The following PTPRD variants were observed in gnomAD, a reference collection of about 807,000 sequenced individuals.
PTPRD encodes receptor-type tyrosine-protein phosphatase delta.
PTPRD carries 34 observed loss-of-function variants against 214.5 expected under a neutral mutation model. The observed-to-expected ratio is 0.16, with a 90% confidence interval of 0.12 to 0.21. The LOEUF is 0.21. Among genes scored for constraint, PTPRD ranks in the 10% least tolerant of loss-of-function variants. The probability of loss-of-function intolerance (pLI) is 1.00; values close to 1 mark genes in which losing one functional copy is unlikely to be tolerated. For missense variants in PTPRD, 2,545 were observed against 2,398.7 expected (o/e 1.06, Z -1.27); for synonymous variants, 1,128 against 845.7 (o/e 1.33, Z -5.79).
chr9:10,239,045 T>C (rs557227456), intron 3 of PTPRD, among the ~76,000 whole-genome samples: 5 of 152,072 alleles, frequency 3.3e-5, no homozygotes, highest in African/African-American at 1.2e-4. Flanking sequence ...AAAAAGAATC[T>C]GTTTGGAGTA....
At chr9:10,379,056 G>C (rs1353060372) in intron 2 of PTPRD, among the ~76,000 whole-genome samples, 1 of 151,812 alleles carries the variant, frequency 6.6e-6, no homozygotes, top group African/African-American at 2.4e-5. Flanking sequence ...TAATTCCAAA[G>C]TATTTAATTT....
Position 9,525,788 on chromosome 9 carries a change from T to C in PTPRD, c.-237+48944A>G, listed in dbSNP as rs2073987346. 2.0e-5 allele frequency among the ~76,000 whole-genome samples: 3 copies of C among 152,086 alleles called. No homozygotes were observed. In the South Asian group the frequency reaches 6.2e-4, roughly 31 times the overall value. On this transcript the variant is annotated intron_variant, in intron 8 of 45. Coordinates refer to ENST00000381196, the MANE Select transcript of PTPRD (RefSeq NM_002839.4). ...TACCTAATATTAGTAGGTATTCATA[T>C]TTCTTAAATTTTATACCTTTGTAAA...
chr9:10,412,143 T>G (rs768549811), intron 2 of PTPRD, among the ~76,000 whole-genome samples: 35 of 151,682 alleles, frequency 2.3e-4, no homozygotes, highest in African/African-American at 8.5e-4. Context: ...TGAGAAGAAT[T>G]TGAAGACTAA....
intron 7 of PTPRD, among the ~76,000 whole-genome samples, chr9:9,604,501 G>T (rs920095355): frequency 6.6e-6 from 1 of 152,002 alleles, no homozygotes; most frequent in African/African-American, 2.4e-5. Flanking sequence ...GTTAAATAAA[G>T]GTGTTCTAAC....
chr9:9,524,674 T>C (rs895714148), intron 8 of PTPRD, among the ~76,000 whole-genome samples: 1 of 152,242 alleles, frequency 6.6e-6, no homozygotes, highest in Non-Finnish European at 1.5e-5. Context: ...CCTTAACGTA[T>C]AGTCATTTTG....
At chr9:9,292,344 C>T (rs1026429963) in intron 9 of PTPRD, among the ~76,000 whole-genome samples, 2 of 151,274 alleles carry the variant, frequency 1.3e-5, no homozygotes, top group African/African-American at 4.8e-5. Context: ...TGTCACTTTC[C>T]GCATGATGTA....
chr9:9,983,165 T>C (rs567472461), intron 4 of PTPRD, among the ~76,000 whole-genome samples: 3 of 152,256 alleles, frequency 2.0e-5, no homozygotes, highest in African/African-American at 7.2e-5. Context: ...TGATTCAGAA[T>C]GGATTACACT....
At chr9:8,589,270 C>T (rs187003558) in intron 14 of PTPRD, among the ~76,000 whole-genome samples, 17 of 152,314 alleles carry the variant, frequency 1.1e-4, no homozygotes, top group Admixed American at 3.9e-4. Context: ...CCTTCTGCTT[C>T]TCAGATAAGT....
chr9:9,997,279 T>C (rs1409806135), intron 4 of PTPRD, among the ~76,000 whole-genome samples: 1 of 126,208 alleles, frequency 7.9e-6, no homozygotes. Context: ...AACTTGAAGA[T>C]AAGCAATTTT....
chr9:10,089,488 T>C (rs929023462), intron 3 of PTPRD, among the ~76,000 whole-genome samples: 4 of 151,562 alleles, frequency 2.6e-5, no homozygotes, highest in Non-Finnish European at 4.4e-5. Context: ...AATGTAATAA[T>C]GGTGAGTGGG....
At chr9:10,452,537 A>G (rs1419993905) in intron 2 of PTPRD, among the ~76,000 whole-genome samples, 1 of 151,620 alleles carries the variant, frequency 6.6e-6, no homozygotes, top group Non-Finnish European at 1.5e-5. Flanking sequence ...GGAATATCTC[A>G]TTGTACTTTT....
intron 9 of PTPRD, among the ~76,000 whole-genome samples, chr9:9,318,305 T>A (rs1026655552): frequency 6.6e-6 from 1 of 151,504 alleles, no homozygotes; most frequent in Admixed American, 6.6e-5. Flanking sequence ...TACATAAATA[T>A]GAAACCACTT....
At chr9:10,087,966 G>A (rs2098376502) in intron 3 of PTPRD, among the ~76,000 whole-genome samples, 1 of 151,678 alleles carries the variant, frequency 6.6e-6, no homozygotes. Flanking sequence ...TTTTTCCCAA[G>A]ATGAAATCAA....
chr9:9,922,009 A>G (rs2082687492), intron 5 of PTPRD, among the ~76,000 whole-genome samples: 1 of 152,122 alleles, frequency 6.6e-6, no homozygotes, highest in Non-Finnish European at 1.5e-5. Flanking sequence ...ATAATTCAAT[A>G]AATTGTGGAG....
intron 2 of PTPRD, among the ~76,000 whole-genome samples, chr9:10,509,158 C>T (rs900574581): frequency 6.6e-6 from 1 of 152,024 alleles, no homozygotes; most frequent in Non-Finnish European, 1.5e-5. Context: ...CTTTGACCTA[C>T]TTATATGAAG....
chr9:8,560,438 CAT>C (rs2085726634), intron 14 of PTPRD, among the ~76,000 whole-genome samples: 1 of 109,596 alleles, frequency 9.1e-6, no homozygotes, highest in South Asian at 2.8e-4. Flanking sequence ...AAAAAAAATA[CAT>C]ACACACACAC....
At chr9:9,764,359 T>C (rs1017796412) in intron 6 of PTPRD, among the ~76,000 whole-genome samples, 4 of 152,148 alleles carry the variant, frequency 2.6e-5, no homozygotes, top group African/African-American at 4.8e-5. Flanking sequence ...GAAGACCCCT[T>C]ATGTATGACA....
intron 11 of PTPRD, among the ~76,000 whole-genome samples, chr9:8,891,422 G>C (rs1028091160): frequency 6.6e-6 from 1 of 150,718 alleles, no homozygotes; most frequent in African/African-American, 2.5e-5. Flanking sequence ...GTGAGACACC[G>C]TGCCTGGTCA....
intron 39 of PTPRD, among the ~76,000 whole-genome samples, chr9:8,365,211 G>A (rs78834322): frequency 0.039 from 5,909 of 152,074 alleles, 405 homozygotes; most frequent in African/African-American, 0.13. Context: ...TCCCTTCCAC[G>A]GCTATGATTC....
Sources: gnomAD v4.1 joint callset for allele counts (sites outside exome capture counted in the v4.1 genomes callset) on GRCh38, gnomAD v4.1.1 for gene constraint, MANE v1.5 for transcripts, NCBI Gene and HGNC (gene_info 2026-07-23, HGNC 2026-07-21) for gene names.